Variants in HHAT observed in about 807,000 individuals in gnomAD.
The protein encoded by HHAT is protein-cysteine N-palmitoyltransferase HHAT.
A neutral mutation model predicts 70.8 loss-of-function variants in HHAT; 47 were observed. That is an observed-to-expected ratio of 0.66 (90% CI 0.53 to 0.85). HHAT has a LOEUF of 0.85. Among genes scored for constraint, HHAT ranks in the 40% least tolerant of loss-of-function variants. The probability of loss-of-function intolerance (pLI) is 0.00; values close to 1 mark genes in which losing one functional copy is unlikely to be tolerated. For missense variants in HHAT, 609 were observed against 604.8 expected, an observed-to-expected ratio of 1.01 and a Z score of -0.07; for synonymous variants, 228 against 247.6, an observed-to-expected ratio of 0.92 and a Z score of 0.74.
intron 9 of HHAT, among the ~76,000 whole-genome samples, chr1:210,541,706 G>A (rs2095432795): frequency 6.6e-6 from 1 of 152,174 alleles, no homozygotes; most frequent in African/African-American, 2.4e-5. Flanking sequence ...CAGCCTGGGT[G>A]ACAGAGTGAG....
At chr1:210,666,313 A>G (rs561706377) in intron 11 of HHAT, among the ~76,000 whole-genome samples, 1 of 152,182 alleles carries the variant, frequency 6.6e-6, no homozygotes, top group Non-Finnish European at 1.5e-5. Context: ...CAGCCTTCCC[A>G]CTGCTGAATG....
intron 9 of HHAT, among the ~76,000 whole-genome samples, chr1:210,539,662 G>A (rs1573148670): frequency 6.6e-6 from 1 of 152,302 alleles, no homozygotes; most frequent in Middle Eastern, 3.4e-3. Context: ...TCCCCAGTCT[G>A]GCAATGTGTA....
intron 9 of HHAT, among the ~76,000 whole-genome samples, chr1:210,532,213 T>C (rs902563178): frequency 2.6e-5 from 4 of 152,226 alleles, no homozygotes; most frequent in African/African-American, 9.6e-5. Flanking sequence ...TTTTTGAACA[T>C]TTTAATCAAT....
Position 210,442,404 on chromosome 1 carries a change from T to C in HHAT, c.857-22101T>C, listed in dbSNP as rs867988048. On this transcript the variant is annotated intron_variant, in intron 7 of 11. Transcript: ENST00000261458. ...CTGGGTCAAATGGTATTTCCAGTTC[T>C]AGATCCCTGAGGAATCGCCACACTG... is the stretch of plus-strand genomic sequence containing the variant. Among the ~76,000 whole-genome samples, 77 of 145,544 alleles carry C rather than the reference T, an allele frequency of 5.3e-4. 1 individual carries two copies. Among genetic ancestry groups the C allele is most frequent in the Admixed American group, 1.3e-3 (18 of 14,150 alleles).
At chr1:210,433,741 T>C (rs1408075017) in intron 7 of HHAT, among the ~76,000 whole-genome samples, 2 of 151,944 alleles carry the variant, frequency 1.3e-5, no homozygotes, top group African/African-American at 4.9e-5. Flanking sequence ...TTTTTCTCTC[T>C]TTTCAGGGTG....
chr1:210,399,802 A>AT (rs1429364780), intron 4 of HHAT, among the ~76,000 whole-genome samples: 14 of 152,226 alleles, frequency 9.2e-5, no homozygotes, highest in Admixed American at 7.9e-4. Context: ...TGATGATTAG[A>AT]TAAAAATCTG....
At chr1:210,579,995 A>C (rs1390205117) in intron 9 of HHAT, among the ~76,000 whole-genome samples, 1 of 152,248 alleles carries the variant, frequency 6.6e-6, no homozygotes, top group Non-Finnish European at 1.5e-5. Flanking sequence ...AAATGTTGGC[A>C]TCTAATTACA....
rs148801193 is a variant in HHAT, at chr1:210,431,713, G to A, written c.856+13388G>A. Among the ~76,000 whole-genome samples, 43 of 151,812 alleles carry A rather than the reference G, an allele frequency of 2.8e-4. 2 individuals carry two copies. Among genetic ancestry groups the A allele is most frequent in the African/African-American group, 1.0e-3 (42 of 41,160 alleles). On this transcript the variant is annotated intron_variant, in intron 7 of 11. Coordinates refer to ENST00000261458, the MANE Select transcript of HHAT (RefSeq NM_018194.6). ...TCATCCCATGATTAGTTGTAACCAG[G>A]AATTTCTTCCAGGTTACTATGGGGA... is the stretch of plus-strand genomic sequence containing the variant.
intron 8 of HHAT, among the ~76,000 whole-genome samples, chr1:210,499,028 A>G (rs1181663386): frequency 6.6e-6 from 1 of 152,054 alleles, no homozygotes; most frequent in Non-Finnish European, 1.5e-5. Context: ...TCAGCCTCTC[A>G]AAGTGCTGGG....
intron 9 of HHAT, among the ~76,000 whole-genome samples, chr1:210,580,610 T>A (rs182116739): frequency 3.7e-4 from 56 of 151,514 alleles, no homozygotes; most frequent in African/African-American, 1.3e-3. Context: ...TGTTCCTGTG[T>A]TAGTTTGCTG....
intron 1 of HHAT, among the ~76,000 whole-genome samples, chr1:210,340,242 G>GGGGGGAAAAAAAAAAAAAAAAAAAAA: frequency 1.0e-5 from 1 of 99,782 alleles, no homozygotes; most frequent in African/African-American, 3.4e-5. Context: ...CTCTGTCTCA[G>GGGGGGAAAAAAAAAAAAAAAAAAAAA]AAAAAAAAAA....
At position 210,540,629 on chromosome 1, in the gene HHAT, G is replaced by A. The variant is rs1322302067; in HGVS notation, c.1043+27441G>A. On this transcript the variant is annotated intron_variant, in intron 9 of 11. Coordinates refer to ENST00000261458, the MANE Select transcript of HHAT (RefSeq NM_018194.6). Reference sequence around the variant, plus strand: ...ATGTGTATGTTTGCTTCAATGAGTAGTTATTGATTTTTTTTTTTTAAGACA... The same window carrying A: ...ATGTGTATGTTTGCTTCAATGAGTAATTATTGATTTTTTTTTTTTAAGACA... Among the ~76,000 whole-genome samples the A allele has an allele frequency of 3.2e-5, 4 of 124,412 alleles. No individual in the cohort carries two copies. The East Asian group carries it at 8.5e-4, about 27-fold the overall frequency. The allele number at this position is 124,412 out of a possible 152,430, so 81.6% of individuals were successfully genotyped here.
chr1:210,540,588 A>G (rs1235487565), intron 9 of HHAT, among the ~76,000 whole-genome samples: 1 of 151,916 alleles, frequency 6.6e-6, no homozygotes, highest in Non-Finnish European at 1.5e-5. Context: ...ATATATATAT[A>G]TAGAAAACAC....
intron 10 of HHAT, among the ~76,000 whole-genome samples, chr1:210,610,141 G>A (rs1163143798): frequency 2.6e-5 from 4 of 152,162 alleles, no homozygotes; most frequent in Admixed American, 2.6e-4. Flanking sequence ...CAGTGTAAAA[G>A]TGTTTTGTTT....
At chr1:210,605,251 G>A (rs566479347) in intron 10 of HHAT, among the ~76,000 whole-genome samples, 1 of 152,256 alleles carries the variant, frequency 6.6e-6, no homozygotes, top group African/African-American at 2.4e-5. Context: ...GGGAGACTGG[G>A]GAAGGTAAAT....
intron 4 of HHAT, among the ~76,000 whole-genome samples, chr1:210,389,498 G>A (rs1378546809): frequency 1.3e-5 from 2 of 152,302 alleles, no homozygotes; most frequent in East Asian, 3.9e-4. Flanking sequence ...CTGGTGGGAG[G>A]TGACTGAATC....
intron 9 of HHAT, among the ~76,000 whole-genome samples, chr1:210,548,018 A>G (rs1362793442): frequency 6.6e-6 from 1 of 152,212 alleles, no homozygotes; most frequent in Non-Finnish European, 1.5e-5. Flanking sequence ...CAGTCCAAGA[A>G]GGTCTTGGGG....
chr1:210,344,578 C>T (rs147357195), intron 1 of HHAT, among the ~76,000 whole-genome samples: 70 of 152,232 alleles, frequency 4.6e-4, no homozygotes, highest in Non-Finnish European at 6.2e-4. Context: ...TTTTAAAGGC[C>T]TCATAAAGTG....
At chr1:210,339,909 A>G (rs2085854829) in intron 1 of HHAT, among the ~76,000 whole-genome samples, 1 of 152,210 alleles carries the variant, frequency 6.6e-6, no homozygotes. Context: ...ACTATTCTGT[A>G]ATTAGACTTT....
Sources: allele counts gnomAD v4.1 joint callset (sites outside exome capture counted in the v4.1 genomes callset), GRCh38; gene constraint gnomAD v4.1.1; transcripts MANE v1.5; gene names NCBI Gene and HGNC (gene_info 2026-07-23, HGNC 2026-07-21).